ADAMTS17: variants seen among roughly 807,000 people sequenced by gnomAD.
ADAMTS17 encodes the protein ADAM metallopeptidase with thrombospondin type 1 motif 17.
In ADAMTS17, 113 loss-of-function variants were observed where a neutral mutation model predicts 141.5. The observed-to-expected ratio is 0.80, with a 90% confidence interval of 0.69 to 0.93. The LOEUF is 0.93. ADAMTS17 is among the 40% of genes least tolerant of loss of function. The pLI is 0.00. For synonymous variants in ADAMTS17, 768 were observed against 630.6 expected (o/e 1.22, Z -3.27); for missense variants, 1,659 against 1,517.9 (o/e 1.09, Z -1.54).
intron 7 of ADAMTS17, among the ~76,000 whole-genome samples, chr15:100,239,878 G>A (rs560025111): frequency 2.6e-5 from 4 of 152,252 alleles, no homozygotes; most frequent in South Asian, 2.1e-4. Context: ...AAAGATGTGC[G>A]CCACGCCCCA....
At chr15:100,232,847 C>G (rs372869496) in intron 7 of ADAMTS17, among the ~76,000 whole-genome samples, 2 of 152,250 alleles carry the variant, frequency 1.3e-5, no homozygotes, top group South Asian at 2.1e-4. Flanking sequence ...CGGCGCAGAT[C>G]GATTCCACTG....
chr15:100,194,861 G>T (rs8041050), intron 8 of ADAMTS17, among the ~76,000 whole-genome samples: 35,792 of 152,056 alleles, frequency 0.24, 4,994 homozygotes, highest in African/African-American at 0.38. Context: ...AAGGATCAGC[G>T]GGTAAAAGAT....
chr15:100,185,575 A>C (rs1400911827), intron 8 of ADAMTS17, among the ~76,000 whole-genome samples: 1 of 152,208 alleles, frequency 6.6e-6, no homozygotes, highest in Non-Finnish European at 1.5e-5. Flanking sequence ...TGAGAAAATC[A>C]ACACTTCCCA....
intron 8 of ADAMTS17, among the ~76,000 whole-genome samples, chr15:100,167,161 C>T (rs2039982002): frequency 6.6e-6 from 1 of 152,176 alleles, no homozygotes; most frequent in African/African-American, 2.4e-5. Context: ...CCACACAAGC[C>T]TAAGTGAGAA....
At chr15:100,099,654 C>T (rs1044563003) in intron 14 of ADAMTS17, among the ~76,000 whole-genome samples, 1 of 152,308 alleles carries the variant, frequency 6.6e-6, no homozygotes, top group South Asian at 2.1e-4. Context: ...TTGCTGGTCG[C>T]GCCCTGTGCC....
At chr15:100,032,829 C>T (rs1267923141) in intron 18 of ADAMTS17, among the ~76,000 whole-genome samples, 2 of 152,144 alleles carry the variant, frequency 1.3e-5, no homozygotes, top group Non-Finnish European at 2.9e-5. Flanking sequence ...GAGGTGAATA[C>T]GTCGACTTTC....
At chr15:100,108,127 G>T (rs1279314667) in intron 14 of ADAMTS17, among the ~76,000 whole-genome samples, 3 of 152,066 alleles carry the variant, frequency 2.0e-5, no homozygotes, top group Non-Finnish European at 4.4e-5. Context: ...GCTTGGGCAG[G>T]GTTAATGCAG....
At chr15:100,125,259 G>A (rs2037670422) in intron 12 of ADAMTS17, among the ~76,000 whole-genome samples, 2 of 152,348 alleles carry the variant, frequency 1.3e-5, no homozygotes, top group Admixed American at 1.3e-4. Flanking sequence ...GGCCTCCTCT[G>A]AAAGGTGTCC....
At position 100,260,642 on chromosome 15, in the gene ADAMTS17, A is replaced by C. The variant is rs994269975; in HGVS notation, c.1031+837T>G. ...AAAAAAAAAAACCAAAAAACAAAAA[A>C]CAAAACAAAACAAAAAACCTTTTTG... On this transcript the variant is annotated intron_variant, in intron 6 of 21. Transcript: ENST00000268070. 2.4e-4 allele frequency among the ~76,000 whole-genome samples: 37 copies of C among 151,890 alleles called. 2 individuals carry two copies. The highest frequency in any genetic ancestry group is 6.8e-3 in the Middle Eastern group (2 of 294).
chr15:100,096,234 A>G, intron 15 of ADAMTS17, 122 bp downstream of exon 15: 1 of 1,506,788 alleles, frequency 6.6e-7, no homozygotes, highest in South Asian at 1.2e-5. Context: ...CTGAAGTTCC[A>G]GGTCACCTAT....
intron 7 of ADAMTS17, among the ~76,000 whole-genome samples, chr15:100,243,228 C>G (rs2042880052): frequency 6.6e-6 from 1 of 152,182 alleles, no homozygotes; most frequent in South Asian, 2.1e-4. Flanking sequence ...TCCACTCACC[C>G]CTCTATCAAC....
intron 15 of ADAMTS17, among the ~76,000 whole-genome samples, chr15:100,074,363 A>G (rs1357185837): frequency 6.6e-6 from 1 of 151,636 alleles, no homozygotes; most frequent in African/African-American, 2.4e-5. Flanking sequence ...CATCTCATAT[A>G]TAACATATTT....
At chr15:100,184,388 G>A (rs929596189) in intron 8 of ADAMTS17, among the ~76,000 whole-genome samples, 3 of 152,204 alleles carry the variant, frequency 2.0e-5, no homozygotes, top group African/African-American at 4.8e-5. Flanking sequence ...CTCAAGCCCT[G>A]GGGCCCCTGG....
intron 4 of ADAMTS17, among the ~76,000 whole-genome samples, chr15:100,263,691 A>G (rs1384045025): frequency 6.6e-6 from 1 of 152,260 alleles, no homozygotes; most frequent in Non-Finnish European, 1.5e-5. Context: ...AGGTACGCGG[A>G]GAGCATAGTA....
intron 7 of ADAMTS17, among the ~76,000 whole-genome samples, chr15:100,235,300 T>C (rs1415997091): frequency 2.0e-5 from 3 of 152,090 alleles, no homozygotes; most frequent in African/African-American, 7.2e-5. Flanking sequence ...GCCTGTGCAG[T>C]GCTGGCCCCC....
intron 3 of ADAMTS17, among the ~76,000 whole-genome samples, chr15:100,327,307 T>C (rs966286294): frequency 3.9e-5 from 6 of 152,218 alleles, no homozygotes; most frequent in African/African-American, 1.4e-4. Flanking sequence ...TTTATAATGC[T>C]ATAAATGAAC....
chr15:100,238,127 T>A (rs983006819), intron 7 of ADAMTS17, among the ~76,000 whole-genome samples: 12 of 152,194 alleles, frequency 7.9e-5, no homozygotes, highest in Admixed American at 7.9e-4. Context: ...AAATTAATAG[T>A]GTTGGCATAG....
chr15:100,295,805 G>A (rs1461836063), intron 3 of ADAMTS17, among the ~76,000 whole-genome samples: 1 of 152,186 alleles, frequency 6.6e-6, no homozygotes, highest in Non-Finnish European at 1.5e-5. Context: ...CTGACATAGA[G>A]AAGGTCAGAC....
Position 100,047,247 on chromosome 15 carries a change from A to G in ADAMTS17, c.2591+1610T>C, listed in dbSNP as rs536110089. The stretch of plus-strand genomic sequence containing the variant: ...TCCTGATAAGACGTTATCAATGACA[A>G]TGGTGCCCGAAACTTCATTAGCAAT... On this transcript the variant is annotated intron_variant, in intron 18 of 21. Coordinates refer to ENST00000268070, the MANE Select transcript of ADAMTS17 (RefSeq NM_139057.4). 2.4e-4 allele frequency among the ~76,000 whole-genome samples: 32 copies of G among 134,384 alleles called. 2 individuals are homozygous for G. The highest frequency in any genetic ancestry group is 3.6e-3 in the Middle Eastern group (1 of 280). The allele number at this position is 134,384 out of a possible 152,430, so 88.2% of individuals were successfully genotyped here.
Sources: gnomAD v4.1 joint callset for allele counts (sites outside exome capture counted in the v4.1 genomes callset) on GRCh38, gnomAD v4.1.1 for gene constraint, MANE v1.5 for transcripts, NCBI Gene and HGNC (gene_info 2026-07-23, HGNC 2026-07-21) for gene names.